Variants in SEMA6D observed in about 807,000 individuals in gnomAD.
SEMA6D encodes the protein semaphorin-6D.
SEMA6D carries 35 observed loss-of-function variants against 106.6 expected under a neutral mutation model. That is an observed-to-expected ratio of 0.33 (90% confidence interval 0.25 to 0.44). SEMA6D has a LOEUF of 0.44. Ranked by LOEUF, SEMA6D falls within the 20% of genes least tolerant of loss-of-function variation. SEMA6D has a pLI of 1.00. For synonymous variants in SEMA6D, 499 were observed against 487.7 expected, an observed-to-expected ratio of 1.02 and a Z score of -0.31; for missense variants, 1,185 against 1,345.9, an observed-to-expected ratio of 0.88 and a Z score of 1.87.
rs1268686323 is a variant in SEMA6D at position 47,770,800 on chromosome 15, A to G, written c.2237A>G (p.Lys746Arg). ...KLYSNLLTSR[K>R]ELPPNGDTKS... Reference sequence around the variant, plus strand: ...TATAGTAACCTGCTAACCAGTCGGAAAGAGCTACCACCCAATGGAGATACT... The same window carrying G: ...TATAGTAACCTGCTAACCAGTCGGAGAGAGCTACCACCCAATGGAGATACT... The change falls in exon 19 of 19, where the codon AAA becomes AGA. Residue 746 changes from lysine (K) to arginine (R), a missense_variant. Physicochemically the swap from Lys to Arg is conservative, Grantham distance 26. Transcript: ENST00000536845. 6.2e-7 allele frequency: 1 copy of G among 1,614,024 alleles called. No individual in the cohort carries two copies. Among genetic ancestry groups the G allele is most frequent in the South Asian group, 1.1e-5 (1 of 91,068 alleles).
chr15:47,202,779 C>G (rs140764101), intron 1 of SEMA6D, among the ~76,000 whole-genome samples: 194 of 152,200 alleles, frequency 1.3e-3, no homozygotes, highest in Middle Eastern at 6.8e-3. Flanking sequence ...TTTGTTTCTT[C>G]TGAGAAGGCA....
At chr15:47,312,048 C>G (rs1350858853) in intron 1 of SEMA6D, among the ~76,000 whole-genome samples, 2 of 152,106 alleles carry the variant, frequency 1.3e-5, no homozygotes, top group Admixed American at 6.5e-5. Context: ...TGCCTCAGCT[C>G]TGACTGTGAT....
At chr15:47,479,373 G>A (rs1212142878) in intron 3 of SEMA6D, among the ~76,000 whole-genome samples, 4 of 152,048 alleles carry the variant, frequency 2.6e-5, no homozygotes, top group Non-Finnish European at 5.9e-5. Context: ...TCAGTAAGAG[G>A]CAGGCTTGAT....
chr15:47,408,717 G>T (rs2040682391), intron 1 of SEMA6D, among the ~76,000 whole-genome samples: 1 of 152,228 alleles, frequency 6.6e-6, no homozygotes, highest in Non-Finnish European at 1.5e-5. Flanking sequence ...CACAGAGCCT[G>T]ATGCTGTTAG....
At chr15:47,534,854 A>G (rs2045102830) in intron 3 of SEMA6D, among the ~76,000 whole-genome samples, 1 of 151,838 alleles carries the variant, frequency 6.6e-6, no homozygotes, top group African/African-American at 2.4e-5. Context: ...CTGATGAAAA[A>G]CCCATTCATC....
At chr15:47,478,178 T>TA (rs2043051845) in intron 3 of SEMA6D, among the ~76,000 whole-genome samples, 1 of 152,160 alleles carries the variant, frequency 6.6e-6, no homozygotes, top group South Asian at 2.1e-4. Context: ...AGAAAACAGT[T>TA]AGCCTATTCA....
chr15:47,763,406 C>G (rs983265529), intron 9 of SEMA6D, among the ~76,000 whole-genome samples: 3 of 152,050 alleles, frequency 2.0e-5, no homozygotes, highest in Admixed American at 2.0e-4. Flanking sequence ...TTTAGAAAAC[C>G]ACTGATAGTC....
intron 1 of SEMA6D, among the ~76,000 whole-genome samples, chr15:47,739,669 T>G (rs1349115610): frequency 6.6e-6 from 1 of 152,220 alleles, no homozygotes; most frequent in East Asian, 1.9e-4. Context: ...GATTTAGGTG[T>G]CTCTACTACT....
At chr15:47,448,966 C>T (rs184050000) in intron 2 of SEMA6D, among the ~76,000 whole-genome samples, 201 of 152,158 alleles carry the variant, frequency 1.3e-3, no homozygotes, top group Admixed American at 0.012. Context: ...TCATCATCTC[C>T]CCCATTCATA....
At chr15:47,557,653 C>G (rs2045952527) in intron 3 of SEMA6D, among the ~76,000 whole-genome samples, 1 of 152,286 alleles carries the variant, frequency 6.6e-6, no homozygotes, top group Middle Eastern at 3.4e-3. Context: ...CTGTACACTT[C>G]ACAGAGAGTG....
At chr15:47,650,305 C>T (rs1335669104) in intron 4 of SEMA6D, among the ~76,000 whole-genome samples, 1 of 152,190 alleles carries the variant, frequency 6.6e-6, no homozygotes, top group African/African-American at 2.4e-5. Context: ...AAGATGTCAA[C>T]ATCACCTGGG....
intron 3 of SEMA6D, among the ~76,000 whole-genome samples, chr15:47,572,252 A>C (rs920068149): frequency 5.3e-5 from 8 of 152,214 alleles, no homozygotes; most frequent in Non-Finnish European, 8.8e-5. Flanking sequence ...ATGTATATCA[A>C]ATGAGGTTTA....
At chr15:47,734,328 T>C (rs2080319456) in intron 1 of SEMA6D, among the ~76,000 whole-genome samples, 1 of 152,216 alleles carries the variant, frequency 6.6e-6, no homozygotes. Flanking sequence ...CAAAGTCCAG[T>C]AAATCATGGA....
intron 8 of SEMA6D, among the ~76,000 whole-genome samples, chr15:47,762,742 A>G (rs2082130287): frequency 6.6e-6 from 1 of 152,186 alleles, no homozygotes; most frequent in Non-Finnish European, 1.5e-5. Context: ...CCCTAGTTAA[A>G]TAGGTTAATG....
intron 3 of SEMA6D, among the ~76,000 whole-genome samples, chr15:47,471,904 TTCTCTCTC>T (rs375802887): frequency 9.7e-5 from 12 of 123,716 alleles, no homozygotes; most frequent in African/African-American, 3.3e-4. Flanking sequence ...GCTGTGCTCT[TTCTCTCTC>T]TCTCTCTCTC....
intron 1 of SEMA6D, among the ~76,000 whole-genome samples, chr15:47,399,978 ATAGT>A (rs1297520291): frequency 6.6e-6 from 1 of 152,166 alleles, no homozygotes. Flanking sequence ...TTAAATAAGA[ATAGT>A]TAGAGTTTAG....
At chr15:47,684,826 A>T (rs563497288) in intron 4 of SEMA6D, among the ~76,000 whole-genome samples, 11 of 152,324 alleles carry the variant, frequency 7.2e-5, no homozygotes, top group Admixed American at 5.2e-4. Context: ...TTGATAGAAA[A>T]AAATGAAAGG....
chr15:47,664,526 A>G (rs2077987982), intron 4 of SEMA6D, among the ~76,000 whole-genome samples: 1 of 152,224 alleles, frequency 6.6e-6, no homozygotes, highest in African/African-American at 2.4e-5. Context: ...AAAGCATGCA[A>G]ATGTCACTAT....
intron 1 of SEMA6D, among the ~76,000 whole-genome samples, chr15:47,325,120 A>T (rs899728722): frequency 3.8e-4 from 57 of 151,784 alleles, no homozygotes; most frequent in Non-Finnish European, 2.4e-4. Context: ...GACCTTAACT[A>T]TTGCTTGACC....
Sources: gnomAD v4.1 joint callset for allele counts (sites outside exome capture counted in the v4.1 genomes callset) on GRCh38, gnomAD v4.1.1 for gene constraint, MANE v1.5 for transcripts, NCBI Gene and HGNC (gene_info 2026-07-23, HGNC 2026-07-21) for gene names.